SPTBN2: variants seen among roughly 807,000 people sequenced by gnomAD.
SPTBN2 encodes spectrin beta, non-erythrocytic 2, also known as spectrin beta chain, non-erythrocytic 2.
A neutral mutation model predicts 284.2 loss-of-function variants in SPTBN2; 107 were observed. The ratio of observed to expected loss-of-function variants is 0.38; its 90% CI spans 0.32 to 0.44. SPTBN2 has a LOEUF of 0.44. SPTBN2 is among the 20% of genes least tolerant of loss of function. SPTBN2 has a pLI of 1.00. For synonymous variants in SPTBN2, 1,289 were observed against 1,354.8 expected (o/e 0.95, Z 1.07); for missense variants, 2,569 against 3,287.1 (o/e 0.78, Z 5.34).
Position 66,692,660 on chromosome 11 carries a change from C to T in SPTBN2, c.5066G>A (p.Arg1689His), listed in dbSNP as rs764884402. ...GCACAGCCGGAGGTGCTCCTGCAGG[C>T]GCTCCCGCCGCTCTCCAGCCAGCTC... ...LKELAGERRE[R>H]LQEHLRLCQL... Residue 1689 changes from arginine (R) to histidine (H), a missense_variant, in exon 26 of 38, where the codon CGC (arginine) becomes CAC (histidine). Arg to His is a conservative substitution (Grantham distance 29, BLOSUM62 0). Coordinates refer to ENST00000533211, the MANE Select transcript of SPTBN2 (RefSeq NM_006946.4). 1.4e-5 allele frequency: 23 copies of T among 1,603,644 alleles called. No individual in the cohort carries two copies. Among genetic ancestry groups the T allele is most frequent in the East Asian group, 6.7e-5 (3 of 44,874 alleles).
Position 66,685,944 on chromosome 11 carries a change from A to G in SPTBN2, c.7100T>C (p.Val2367Ala), listed in dbSNP as rs1189552272. Residue 2367 changes from valine to alanine, a missense_variant, in exon 38 of 38, where the codon GTT (valine) becomes GCT (alanine). By Grantham distance (64) the Val-to-Ala change is moderately conservative. Transcript: ENST00000533211. This position sits in a 1 kb window ranked among gnomAD's most constrained non-coding sequence, Gnocchi z 4.4. ...PVSPVGAEGPVVLRSKDGRER... is the reference protein window; with the variant it reads ...PVSPVGAEGPAVLRSKDGRER... ...TCTGCCGTCTTTGCTGCGGAGCACA[A>G]CAGGCCCCTCAGCCCCGACGGGTGA... 4 of 1,613,770 alleles carry G rather than the reference A, an allele frequency of 2.5e-6. No homozygotes were observed. The highest frequency in any genetic ancestry group is 1.3e-5 in the African/African-American group (1 of 74,904).
chr11:66,690,721 T>G (rs1940483038), intron 27 of SPTBN2, among the ~76,000 whole-genome samples: 1 of 151,822 alleles, frequency 6.6e-6, no homozygotes, highest in South Asian at 2.1e-4. Flanking sequence ...GCATGAAGAG[T>G]CTCCTGGCCA....
intron 3 of SPTBN2, among the ~76,000 whole-genome samples, chr11:66,719,932 G>A (rs1284259980): frequency 6.6e-6 from 1 of 152,170 alleles, no homozygotes; most frequent in Non-Finnish European, 1.5e-5. Flanking sequence ...CAACCAGAAG[G>A]ACAGAGAGGC....
intron 1 of SPTBN2, among the ~76,000 whole-genome samples, chr11:66,725,416 A>T (rs1942579822): frequency 6.6e-6 from 1 of 151,930 alleles, no homozygotes; most frequent in Non-Finnish European, 1.5e-5. Context: ...ACTGATTTCT[A>T]TTTGCTTTTC....
chr11:66,708,892 A>T lies in SPTBN2; in HGVS notation c.1191+10T>A. The T allele has an allele frequency of 6.2e-7, 1 of 1,612,118 alleles. No homozygotes were observed. Among genetic ancestry groups the T allele is most frequent in the Non-Finnish European group, 8.5e-7 (1 of 1,178,338 alleles). On this transcript the variant is annotated intron_variant, in intron 11 of 37. Coordinates refer to ENST00000533211, the MANE Select transcript of SPTBN2 (RefSeq NM_006946.4). The surrounding 1 kb of genome is among the most constrained non-coding windows in gnomAD (Gnocchi z 4.4). ...CCCTGAGGGTGGGTGGCCTGTGGGC[A>T]GCCACGGACCTTGTTGATGTCCGAG... is the stretch of plus-strand genomic sequence containing the variant.
At chr11:66,695,889 A>C (rs1940880941) in intron 21 of SPTBN2, among the ~76,000 whole-genome samples, 1 of 151,936 alleles carries the variant, frequency 6.6e-6, no homozygotes, top group Non-Finnish European at 1.5e-5. Flanking sequence ...GGCGTGCGCC[A>C]CCACGCCTGG....
At chr11:66,714,204 G>A in intron 6 of SPTBN2, 33 bp from the exon 7 acceptor site, 1 of 1,611,588 alleles carries the variant, frequency 6.2e-7, no homozygotes, top group East Asian at 2.2e-5. Flanking sequence ...TGGTGAGTAG[G>A]GCTGAGCTCT....
At chr11:66,738,477 A>ATAAAGT (rs1407744471) in intron 1 of SPTBN2, among the ~76,000 whole-genome samples, 33 of 152,298 alleles carry the variant, frequency 2.2e-4, no homozygotes, top group African/African-American at 7.7e-4. Context: ...AGTGGCCTTA[A>ATAAAGT]CGCCAGAACA....
chr11:66,701,931 G>C (rs946842313), intron 15 of SPTBN2, among the ~76,000 whole-genome samples: 2 of 152,056 alleles, frequency 1.3e-5, no homozygotes, highest in Non-Finnish European at 2.9e-5. Flanking sequence ...CAGAATAACT[G>C]TCATCGCTAG....
Position 66,715,292 on chromosome 11 carries a change from G to A in SPTBN2, c.413C>T (p.Ser138Phe). The part of the protein sequence containing the change: ...EQKVHLENMG[S>F]HDIVDGNHRL... ...GTGGTTTCCGTCCACAATGTCATGG[G>A]AGCCCATGTTTTCCAAGTGCACTTT... The change falls in exon 5 of 38, where the codon TCC becomes TTC. Residue 138 changes from serine to phenylalanine, a missense_variant. Around this residue, in one of 6 missense-constraint regions of SPTBN2, gnomAD observed 304 missense variants for 522.1 expected, o/e 0.58. Transcript: ENST00000533211. This position sits in a 1 kb window ranked among gnomAD's most constrained non-coding sequence, Gnocchi z 5.3. 6.2e-7 allele frequency: 1 copy of A among 1,614,236 alleles called. No homozygotes were observed. The highest frequency in any genetic ancestry group is 8.5e-7 in the Non-Finnish European group (1 of 1,180,042).
rs772683753 is a variant in SPTBN2, at chr11:66,701,207, G to C, written c.2892C>G (p.His964Gln). The C allele has an allele frequency of 6.2e-7, 1 of 1,613,074 alleles. No individual in the cohort carries two copies. Among genetic ancestry groups the C allele is most frequent in the African/African-American group, 1.3e-5 (1 of 74,938 alleles). The change falls in exon 17 of 38, where the codon CAC becomes CAG. Residue 964 changes from histidine (H) to glutamine (Q), a missense_variant. His to Gln is a conservative substitution (Grantham distance 24, BLOSUM62 0). Coordinates refer to ENST00000533211, the MANE Select transcript of SPTBN2 (RefSeq NM_006946.4). ...LTSALSIQNY[H>Q]LECTETQAWM... ...AGGCCTGGGTCTCCGTGCACTCTAAGTGGTAGTTCTGGATGCTCAGGGCTG... is the reference window on the plus strand; with the variant it reads ...AGGCCTGGGTCTCCGTGCACTCTAACTGGTAGTTCTGGATGCTCAGGGCTG...
In SPTBN2 at chr11:66,708,924, C is replaced by T. The variant is rs748949657; in HGVS notation, c.1169G>A (p.Arg390Gln). The change falls in exon 11 of 38, where the codon CGG (arginine) becomes CAG (glutamine). Residue 390 changes from arginine to glutamine, a missense_variant. Arg to Gln is a conservative substitution (Grantham distance 43). This residue lies in a region of SPTBN2 where 304 missense variants were observed against 522.1 expected (regional missense o/e 0.58). Coordinates refer to ENST00000533211, the MANE Select transcript of SPTBN2 (RefSeq NM_006946.4). The surrounding 1 kb of genome is among the most constrained non-coding windows in gnomAD (Gnocchi z 4.4). ...GACCTTGTTGATGTCCGAGATGAGC[C>T]GGCCCTCGCGGGGCGTGTAGACCTT... Reference protein sequence around the residue: ...NQKVYTPREGRLISDINKAWE... With the variant: ...NQKVYTPREGQLISDINKAWE... 1.9e-6 allele frequency: 3 copies of T among 1,613,826 alleles called. No individual in the cohort carries two copies. Among genetic ancestry groups the T allele is most frequent in the Non-Finnish European group, 2.5e-6 (3 of 1,179,948 alleles).
chr11:66,686,808 G>C (rs1940145508), intron 36 of SPTBN2, 186 bp downstream of exon 36: 1 of 777,152 alleles, frequency 1.3e-6, no homozygotes, highest in Non-Finnish European at 2.1e-6. Context: ...TGGTTCTCCT[G>C]CTCCCCTTGG....
chr11:66,713,051 C>A, intron 8 of SPTBN2: 1 of 156,334 alleles, frequency 6.4e-6, no homozygotes, highest in Non-Finnish European at 1.4e-5. Context: ...TCAGAAGAGC[C>A]CTTAGAGACC....
At chr11:66,722,394 T>A (rs536767576) in intron 1 of SPTBN2, among the ~76,000 whole-genome samples, 9 of 148,028 alleles carry the variant, frequency 6.1e-5, no homozygotes, top group South Asian at 4.3e-4. Context: ...GCTAACACGG[T>A]GAAACCCCGT....
chr11:66,740,884 G>A (rs1942891172), intron 1 of SPTBN2, among the ~76,000 whole-genome samples: 1 of 152,162 alleles, frequency 6.6e-6, no homozygotes, highest in Non-Finnish European at 1.5e-5. Context: ...TAAGAAACAA[G>A]GTGGGGCCTT....
Position 66,685,924 on chromosome 11 carries a change from C to A in SPTBN2, c.7120G>T (p.Gly2374Cys). The A allele has an allele frequency of 6.2e-7, 1 of 1,613,956 alleles. No individual in the cohort carries two copies. Among genetic ancestry groups the A allele is most frequent in the African/African-American group, 1.3e-5 (1 of 75,044 alleles). The change falls in exon 38 of 38, where the codon GGC becomes TGC. Residue 2374 changes from glycine to cysteine, a missense_variant. Gly to Cys is a radical substitution (Grantham distance 159). This residue lies in a region of SPTBN2 where 1,130 missense variants were observed against 1,317.3 expected (regional missense o/e 0.86). Coordinates refer to ENST00000533211, the MANE Select transcript of SPTBN2 (RefSeq NM_006946.4). The surrounding 1 kb of genome is among the most constrained non-coding windows in gnomAD (Gnocchi z 4.4). ...EGPVVLRSKD[G>C]REREREKRFS... is the part of the protein sequence containing the mutation. ...CGTTTTTCTCGCTCTCGTTCTCTGC[C>A]GTCTTTGCTGCGGAGCACAACAGGC...
At chr11:66,701,444 T>A in intron 16 of SPTBN2, 140 bp downstream of exon 16, 5 of 1,539,422 alleles carry the variant, frequency 3.2e-6, no homozygotes, top group Non-Finnish European at 4.4e-6. Flanking sequence ...TTCATCCTTT[T>A]TCCTTCCCCA....
Position 66,690,215 on chromosome 11 carries a change from G to T in SPTBN2, c.5634C>A (p.Ile1878=), listed in dbSNP as rs368160740. Residue 1878 remains isoleucine, a synonymous_variant, in exon 28 of 38, where the codon ATC becomes ATA. Transcript: ENST00000533211. Reference sequence around the variant, plus strand: ...CGGCCACGGCCTGCATGTGGCGGCCGATCTCCTCAGCCTTGTCTCCAGCGT... The same window carrying T: ...CGGCCACGGCCTGCATGTGGCGGCCTATCTCCTCAGCCTTGTCTCCAGCGT... ...KAYAGDKAEE[I]GRHMQAVAEA... 1 of 1,613,566 alleles carries T rather than the reference G, an allele frequency of 6.2e-7. No individual in the cohort carries two copies. Among genetic ancestry groups the T allele is most frequent in the African/African-American group, 1.3e-5 (1 of 74,942 alleles).
Sources: allele counts gnomAD v4.1 joint callset (sites outside exome capture counted in the v4.1 genomes callset), GRCh38; gene constraint gnomAD v4.1.1; regional missense constraint gnomAD v4.1.1; non-coding constraint Gnocchi (gnomAD v3.1); transcripts MANE v1.5; gene names NCBI Gene and HGNC (gene_info 2026-07-23, HGNC 2026-07-21).